Variants in PLXNA4 observed in about 807,000 individuals in gnomAD.
The protein encoded by PLXNA4 is plexin A4, also known as plexin-A4.
Under a neutral mutation model 191.8 loss-of-function variants are expected in PLXNA4, and 44 were observed. That is an observed-to-expected ratio of 0.23 (90% CI 0.18 to 0.29). PLXNA4 has a LOEUF of 0.29. Ranked by LOEUF, PLXNA4 falls within the 10% of genes least tolerant of loss-of-function variation. The probability of loss-of-function intolerance (pLI) is 1.00; values close to 1 mark genes in which losing one functional copy is unlikely to be tolerated. For missense variants in PLXNA4, 1,800 were observed against 2,488.8 expected (o/e 0.72, Z 5.89); for synonymous variants, 1,082 against 1,009.5 (o/e 1.07, Z -1.36).
chr7:132,409,046 C>T, intron 3 of PLXNA4, among the ~76,000 whole-genome samples: 1 of 152,162 alleles, frequency 6.6e-6, no homozygotes. Flanking sequence ...TGTAATCATC[C>T]TAACAAGACA....
chr7:132,171,909 C>T (rs113426178), intron 21 of PLXNA4, among the ~76,000 whole-genome samples: 221 of 152,216 alleles, frequency 1.5e-3, no homozygotes, highest in African/African-American at 4.9e-3. Context: ...TGGCATGCAC[C>T]GTGCACACTT....
chr7:132,248,601 C>G (rs1234630483), intron 4 of PLXNA4, among the ~76,000 whole-genome samples: 1 of 152,176 alleles, frequency 6.6e-6, no homozygotes, highest in Non-Finnish European at 1.5e-5. Flanking sequence ...GTAACTTGTA[C>G]AAGTTCAGAA....
chr7:132,329,041 G>A (rs1014379073), intron 3 of PLXNA4, among the ~76,000 whole-genome samples: 2 of 152,122 alleles, frequency 1.3e-5, no homozygotes, highest in East Asian at 1.9e-4. Flanking sequence ...CCAGATTCTC[G>A]GACTCCCTCC....
At chr7:132,539,573 G>A (rs538170874) in intron 1 of PLXNA4, among the ~76,000 whole-genome samples, 49 of 152,288 alleles carry the variant, frequency 3.2e-4, no homozygotes, top group Non-Finnish European at 5.4e-4. Flanking sequence ...GTTATAGTCC[G>A]GCTAGCTGCA....
Position 132,157,518 on chromosome 7 carries a change from A to G in PLXNA4, c.4660+1955T>C, listed in dbSNP as rs192237049. Among the ~76,000 whole-genome samples the G allele has an allele frequency of 1.2e-3, 183 of 152,264 alleles. 2 individuals are homozygous for G. In the Middle Eastern group the frequency reaches 0.02, roughly 17 times the overall value. On this transcript the variant is annotated intron_variant, in intron 25 of 31. Transcript: ENST00000321063. Reference sequence around the variant, plus strand: ...TGAGCCCCTCCATGGGAAATCACCTATTCTTAAGCACAGAAGCACACATCT... The same window carrying G: ...TGAGCCCCTCCATGGGAAATCACCTGTTCTTAAGCACAGAAGCACACATCT...
At chr7:132,531,895 A>G (rs911979301) in intron 1 of PLXNA4, among the ~76,000 whole-genome samples, 6 of 152,184 alleles carry the variant, frequency 3.9e-5, no homozygotes, top group Non-Finnish European at 8.8e-5. Flanking sequence ...TAGCCCAGGG[A>G]GGACACTTTG....
chr7:132,164,905 C>T (rs10245765), intron 23 of PLXNA4, among the ~76,000 whole-genome samples: 2,913 of 152,324 alleles, frequency 0.019, 104 homozygotes, highest in African/African-American at 0.066. Flanking sequence ...TCATCTATCC[C>T]TTGCCCGGCA....
chr7:132,457,489 T>C (rs1240629479), intron 3 of PLXNA4, among the ~76,000 whole-genome samples: 1 of 152,194 alleles, frequency 6.6e-6, no homozygotes, highest in Non-Finnish European at 1.5e-5. Context: ...GTGCCATTTA[T>C]GATGTTTCAT....
intron 3 of PLXNA4, among the ~76,000 whole-genome samples, chr7:132,321,353 G>A (rs1194568367): frequency 6.6e-6 from 1 of 150,524 alleles, no homozygotes; most frequent in Non-Finnish European, 1.5e-5. Context: ...GCGTGTCTGT[G>A]TTCTAGGCAA....
intron 25 of PLXNA4, among the ~76,000 whole-genome samples, chr7:132,151,343 AGG>A (rs1795607017): frequency 1.2e-4 from 12 of 97,822 alleles, no homozygotes; most frequent in Admixed American, 3.1e-4. Flanking sequence ...AAGGAGGAGG[AGG>A]AGGAAGAAGA....
intron 3 of PLXNA4, among the ~76,000 whole-genome samples, chr7:132,452,321 A>G (rs1286640849): frequency 6.6e-6 from 1 of 152,196 alleles, no homozygotes; most frequent in East Asian, 1.9e-4. Context: ...TGCCTCCCAC[A>G]TTAGCGTCCC....
At chr7:132,382,310 T>C (rs1447833519) in intron 3 of PLXNA4, among the ~76,000 whole-genome samples, 2 of 152,106 alleles carry the variant, frequency 1.3e-5, no homozygotes, top group Non-Finnish European at 2.9e-5. Context: ...TTGTTTGCCT[T>C]GCCTGCTTGG....
chr7:132,367,793 G>T (rs1804251420), intron 3 of PLXNA4: 1 of 152,218 alleles, frequency 6.6e-6, no homozygotes, highest in Admixed American at 6.5e-5. Flanking sequence ...TGCAGGGATG[G>T]AACAGCCACC....
intron 1 of PLXNA4, among the ~76,000 whole-genome samples, chr7:132,556,493 A>T (rs147005480): frequency 6.0e-4 from 92 of 152,364 alleles, no homozygotes; most frequent in African/African-American, 2.1e-3. Flanking sequence ...GAGAAGGCCC[A>T]TAGCTCTCAC....
chr7:132,348,033 C>T (rs576436137), intron 3 of PLXNA4, among the ~76,000 whole-genome samples: 1 of 152,248 alleles, frequency 6.6e-6, no homozygotes, highest in South Asian at 2.1e-4. Context: ...CCCAGTTGCT[C>T]CTTAGGCTGG....
intron 3 of PLXNA4, among the ~76,000 whole-genome samples, chr7:132,382,191 C>T (rs1804924777): frequency 6.6e-6 from 1 of 152,184 alleles, no homozygotes; most frequent in Non-Finnish European, 1.5e-5. Flanking sequence ...AGGAGGTCTC[C>T]TTCTTTCCCT....
intron 4 of PLXNA4, among the ~76,000 whole-genome samples, chr7:132,269,981 G>A (rs1011013896): frequency 6.6e-6 from 1 of 152,054 alleles, no homozygotes; most frequent in African/African-American, 2.4e-5. Flanking sequence ...GGATTGACAG[G>A]AATAATAAAA....
chr7:132,191,453 G>T (rs927102860), intron 14 of PLXNA4, among the ~76,000 whole-genome samples: 1 of 152,168 alleles, frequency 6.6e-6, no homozygotes, highest in African/African-American at 2.4e-5. Flanking sequence ...GAACAGCCAG[G>T]TGATGGTGGC....
intron 9 of PLXNA4, among the ~76,000 whole-genome samples, chr7:132,221,035 G>A (rs570555158): frequency 6.6e-6 from 1 of 151,454 alleles, no homozygotes; most frequent in Non-Finnish European, 1.5e-5. Context: ...TTTTTCTATT[G>A]GGGAGAGTTT....
Sources: gnomAD v4.1 joint callset for allele counts (sites outside exome capture counted in the v4.1 genomes callset) on GRCh38, gnomAD v4.1.1 for gene constraint, MANE v1.5 for transcripts, NCBI Gene and HGNC (gene_info 2026-07-23, HGNC 2026-07-21) for gene names.